Variants in CACNA1E observed in about 807,000 individuals in gnomAD.
CACNA1E encodes the protein voltage-dependent R-type calcium channel subunit alpha-1E.
Under a neutral mutation model 259.2 loss-of-function variants are expected in CACNA1E, and 40 were observed. That is an observed-to-expected ratio of 0.15 (90% CI 0.12 to 0.20). The LOEUF (loss-of-function observed/expected upper bound fraction) is 0.20. Ranked by LOEUF, CACNA1E falls within the 10% of genes least tolerant of loss-of-function variation. CACNA1E has a pLI of 1.00. For missense variants in CACNA1E, 1,874 were observed against 3,040.1 expected, an observed-to-expected ratio of 0.62 and a Z score of 9.02; for synonymous variants, 1,104 against 1,138.5, an observed-to-expected ratio of 0.97 and a Z score of 0.61.
intron 1 of CACNA1E, among the ~76,000 whole-genome samples, chr1:181,364,710 G>A (rs549068046): frequency 6.6e-6 from 1 of 152,332 alleles, no homozygotes; most frequent in Non-Finnish European, 1.5e-5. Flanking sequence ...AATTCCGAGT[G>A]GAGCAGCATG....
At chr1:181,670,592 G>A (rs188130205) in intron 7 of CACNA1E, among the ~76,000 whole-genome samples, 38 of 152,238 alleles carry the variant, frequency 2.5e-4, no homozygotes, top group Admixed American at 2.0e-3. Context: ...ACCTGTTAAA[G>A]GGGCCACATA....
Position 181,719,764 on chromosome 1 carries a change from G to C in CACNA1E, c.1652G>C (p.Ser551Thr). The C allele has an allele frequency of 1.3e-6, 2 of 1,596,630 alleles. No homozygotes were observed. Among genetic ancestry groups the C allele is most frequent in the Non-Finnish European group, 1.7e-6 (2 of 1,169,628 alleles). The change falls in exon 13 of 48, where the codon AGT (serine) becomes ACT (threonine). Residue 551 changes from serine to threonine, a missense_variant. Ser to Thr is a moderately conservative substitution (Grantham distance 58). Transcript: ENST00000367573. ...NCFDFGVTVG[S>T]IFEVVWAIFR... Reference sequence around the variant, plus strand: ...TTGCCTCTCTAGGTCACAGTGGGCAGTATCTTTGAAGTGGTCTGGGCAATC... The same window carrying C: ...TTGCCTCTCTAGGTCACAGTGGGCACTATCTTTGAAGTGGTCTGGGCAATC...
rs79350105 is a variant in CACNA1E, at chr1:181,688,588, A to G, written c.1056-22366A>G. Among the ~76,000 whole-genome samples the G allele has an allele frequency of 2.0e-3, 311 of 152,342 alleles. 1 individual carries two copies. Among genetic ancestry groups the G allele is most frequent in the African/African-American group, 7.1e-3 (296 of 41,578 alleles). On this transcript the variant is annotated intron_variant, in intron 7 of 47. Coordinates refer to ENST00000367573, the MANE Select transcript of CACNA1E (RefSeq NM_001205293.3). The stretch of plus-strand genomic sequence containing the variant: ...TACAAAGTGATGTTTTGATATATGT[A>G]TATATTGTGAAATGTTTAAATCAAG...
At chr1:181,334,373 TAGATGACTTCTAA>T (rs1354111859) in intron 1 of CACNA1E, among the ~76,000 whole-genome samples, 1 of 152,236 alleles carries the variant, frequency 6.6e-6, no homozygotes, top group African/African-American at 2.4e-5. Flanking sequence ...CCACCCAATA[TAGATGACTTCTAA>T]ACATATAGCT....
intron 3 of CACNA1E, among the ~76,000 whole-genome samples, chr1:181,543,031 G>A (rs1160341374): frequency 1.3e-5 from 2 of 151,644 alleles, no homozygotes; most frequent in Admixed American, 6.6e-5. Flanking sequence ...ATATAACCAA[G>A]GAATTTTTAA....
At chr1:181,593,176 G>A (rs1044386889) in intron 6 of CACNA1E, among the ~76,000 whole-genome samples, 3 of 151,888 alleles carry the variant, frequency 2.0e-5, no homozygotes, top group South Asian at 2.1e-4. Flanking sequence ...CTATATGAGT[G>A]TACTATTTTT....
At chr1:181,358,915 G>A (rs1210944071) in intron 1 of CACNA1E, among the ~76,000 whole-genome samples, 2 of 152,186 alleles carry the variant, frequency 1.3e-5, no homozygotes, top group Non-Finnish European at 2.9e-5. Flanking sequence ...CAGCAACTCA[G>A]AGAGTGGTTG....
chr1:181,360,049 G>A (rs1169980763), intron 1 of CACNA1E, among the ~76,000 whole-genome samples: 1 of 152,130 alleles, frequency 6.6e-6, no homozygotes, highest in African/African-American at 2.4e-5. Flanking sequence ...CTCTTCTGGT[G>A]CACGGGAATC....
At chr1:181,428,598 G>A (rs1377908791) in intron 2 of CACNA1E, among the ~76,000 whole-genome samples, 2 of 152,126 alleles carry the variant, frequency 1.3e-5, no homozygotes, top group Non-Finnish European at 2.9e-5. Context: ...AGGTGGTGGT[G>A]ATGGTTGGTG....
chr1:181,525,796 C>T (rs1269740626), intron 3 of CACNA1E, among the ~76,000 whole-genome samples: 2 of 152,118 alleles, frequency 1.3e-5, no homozygotes, highest in Non-Finnish European at 2.9e-5. Flanking sequence ...ATTATTGTGG[C>T]CATAGATTGG....
Position 181,796,826 on chromosome 1 carries a change from A to C in CACNA1E, c.6367A>C (p.Ser2123Arg). The change falls in exon 47 of 48, where the codon AGT becomes CGT. Residue 2123 changes from serine to arginine, a missense_variant. Ser to Arg is a moderately radical substitution (Grantham distance 110). This residue lies in a region of CACNA1E where 542 missense variants were observed against 587.2 expected (regional missense o/e 0.92). Coordinates refer to ENST00000367573, the MANE Select transcript of CACNA1E (RefSeq NM_001205293.3). ...AGAGCGCCGTCAATCCAGGTCACCC[A>C]GTGAGGGCAGGTCACAGACGCCCAA... is the stretch of plus-strand genomic sequence containing the variant. Reference protein sequence around the residue: ...SPERRQSRSPSEGRSQTPNRQ... With the variant: ...SPERRQSRSPREGRSQTPNRQ... 6.2e-7 allele frequency: 1 copy of C among 1,607,132 alleles called. No individual in the cohort carries two copies. Among genetic ancestry groups the C allele is most frequent in the Admixed American group, 1.7e-5 (1 of 59,152 alleles).
chr1:181,568,005 T>G (rs1425521116), intron 3 of CACNA1E, among the ~76,000 whole-genome samples: 2 of 152,192 alleles, frequency 1.3e-5, no homozygotes, highest in African/African-American at 4.8e-5. Flanking sequence ...AATACATTGC[T>G]TAATGTAGGC....
intron 6 of CACNA1E, among the ~76,000 whole-genome samples, chr1:181,639,564 G>A (rs550343303): frequency 3.3e-5 from 5 of 152,270 alleles, no homozygotes; most frequent in Middle Eastern, 3.4e-3. Context: ...GACAGCTTAC[G>A]TGCATTCTTG....
intron 6 of CACNA1E, among the ~76,000 whole-genome samples, chr1:181,650,753 T>C (rs1658682022): frequency 6.6e-6 from 1 of 152,246 alleles, no homozygotes; most frequent in Non-Finnish European, 1.5e-5. Flanking sequence ...GTGATCACTC[T>C]TCAAATCTAG....
intron 3 of CACNA1E, among the ~76,000 whole-genome samples, chr1:181,557,633 T>C (rs1648874547): frequency 6.6e-6 from 1 of 152,190 alleles, no homozygotes; most frequent in Non-Finnish European, 1.5e-5. Flanking sequence ...CCAACTTGCT[T>C]TGCTCCCTTG....
At chr1:181,428,550 G>A (rs60716127) in intron 2 of CACNA1E, among the ~76,000 whole-genome samples, 1 of 152,170 alleles carries the variant, frequency 6.6e-6, no homozygotes, top group East Asian at 1.9e-4. Flanking sequence ...GAGAGAAACA[G>A]GCTGGGAGTG....
intron 6 of CACNA1E, among the ~76,000 whole-genome samples, chr1:181,593,069 G>T (rs950515822): frequency 6.6e-6 from 1 of 152,114 alleles, no homozygotes; most frequent in Admixed American, 6.6e-5. Context: ...CAGTAATATG[G>T]GGGTAATGCT....
chr1:181,569,551 A>C (rs550598079), intron 3 of CACNA1E, among the ~76,000 whole-genome samples: 1 of 152,382 alleles, frequency 6.6e-6, no homozygotes, highest in Admixed American at 6.5e-5. Context: ...ACACTTCAGT[A>C]ATTTAAAAGA....
chr1:181,455,960 A>G (rs1661438614), intron 2 of CACNA1E, among the ~76,000 whole-genome samples: 1 of 152,202 alleles, frequency 6.6e-6, no homozygotes, highest in Non-Finnish European at 1.5e-5. Flanking sequence ...CTGGTGGCCT[A>G]TGCCTGTGGG....
Sources: gnomAD v4.1 joint callset for allele counts (sites outside exome capture counted in the v4.1 genomes callset) on GRCh38, gnomAD v4.1.1 for gene constraint, gnomAD v4.1.1 regional missense constraint, MANE v1.5 for transcripts, NCBI Gene and HGNC (gene_info 2026-07-23, HGNC 2026-07-21) for gene names.